The following CDH20 variants were observed in gnomAD, a reference collection of about 807,000 sequenced individuals.
CDH20 encodes cadherin-20.
CDH20 carries 29 observed loss-of-function variants against 74.2 expected under a neutral mutation model. That is an observed-to-expected ratio of 0.39 (90% confidence interval 0.29 to 0.53). The LOEUF is 0.53. Ranked by LOEUF, CDH20 falls within the 20% of genes least tolerant of loss-of-function variation. CDH20 has a pLI of 0.69. For synonymous variants in CDH20, 469 were observed against 405.4 expected, an observed-to-expected ratio of 1.16 and a Z score of -1.88; for missense variants, 988 against 1,048.3, an observed-to-expected ratio of 0.94 and a Z score of 0.79.
At position 61,499,254 on chromosome 18, in the gene CDH20, C is replaced by T. The variant is rs1382656822; in HGVS notation, c.315C>T (p.Ile105=). 12 of 1,613,270 alleles carry T rather than the reference C, an allele frequency of 7.4e-6. No homozygotes were observed. The highest frequency in any genetic ancestry group is 5.3e-5 in the African/African-American group (4 of 74,856). ...KYILSGEGAG[I]VFTIDDTTGD... Reference sequence around the variant, plus strand: ...TCCTCTCGGGAGAAGGTGCTGGCATCGTGTTTACCATCGACGACACCACTG... The same window carrying T: ...TCCTCTCGGGAGAAGGTGCTGGCATTGTGTTTACCATCGACGACACCACTG... Residue 105 remains isoleucine (I), a synonymous_variant, in exon 3 of 12, where the codon ATC becomes ATT. Transcript: ENST00000262717.
chr18:61,489,395 G>T (rs922401063), intron 1 of CDH20, among the ~76,000 whole-genome samples: 1 of 151,910 alleles, frequency 6.6e-6, no homozygotes, highest in Admixed American at 6.6e-5. Flanking sequence ...GCAGTTCTTC[G>T]AATTAACAGT....
chr18:61,429,257 T>A (rs1202646318), intron 1 of CDH20, among the ~76,000 whole-genome samples: 1 of 152,184 alleles, frequency 6.6e-6, no homozygotes, highest in Non-Finnish European at 1.5e-5. Context: ...TAGACTTTTG[T>A]TTCTTAATTG....
intron 1 of CDH20, among the ~76,000 whole-genome samples, chr18:61,473,657 T>C (rs1910266536): frequency 6.6e-6 from 1 of 152,202 alleles, no homozygotes; most frequent in South Asian, 2.1e-4. Flanking sequence ...CATTTGAACA[T>C]CTTTGTGGCT....
At chr18:61,357,740 GT>G (rs540596503) in intron 1 of CDH20, among the ~76,000 whole-genome samples, 2,267 of 151,408 alleles carry the variant, frequency 0.015, 61 homozygotes, top group African/African-American at 0.051. Flanking sequence ...TCAACTGTTT[GT>G]TTTTTTTTAA....
rs1316431905 is a variant in CDH20, at chr18:61,507,549, A to G, written c.1006A>G (p.Thr336Ala). ...TDPNFQVGII[T>A]VKKPLSFESK... ...TCCCAATTTCCAAGTTGGTATCATAACTGTGAAGAAGGTAATCCAACTCCT... is the reference window on the plus strand; with the variant it reads ...TCCCAATTTCCAAGTTGGTATCATAGCTGTGAAGAAGGTAATCCAACTCCT... Residue 336 changes from threonine (T) to alanine (A), a missense_variant, in exon 6 of 12, where the codon ACT (threonine) becomes GCT (alanine). Thr to Ala is a moderately conservative substitution (Grantham distance 58). Transcript: ENST00000262717. 6 of 1,606,748 alleles carry G rather than the reference A, an allele frequency of 3.7e-6. No homozygotes were observed. The highest frequency in any genetic ancestry group is 5.1e-6 in the Non-Finnish European group (6 of 1,176,648).
At chr18:61,440,864 C>G (rs531309644) in intron 1 of CDH20, among the ~76,000 whole-genome samples, 1 of 152,128 alleles carries the variant, frequency 6.6e-6, no homozygotes, top group Non-Finnish European at 1.5e-5. Context: ...AATCAGGTCA[C>G]AAGGCCAACC....
intron 1 of CDH20, among the ~76,000 whole-genome samples, chr18:61,455,636 G>T (rs183178361): frequency 6.6e-6 from 1 of 151,162 alleles, no homozygotes; most frequent in Admixed American, 6.6e-5. Flanking sequence ...CTATGTTTTG[G>T]GTTTCTTCAA....
chr18:61,420,125 A>G (rs1035533174), intron 1 of CDH20, among the ~76,000 whole-genome samples: 3 of 152,220 alleles, frequency 2.0e-5, no homozygotes, highest in Non-Finnish European at 2.9e-5. Context: ...TCTTGTTTAC[A>G]TTAACTACTG....
intron 1 of CDH20, among the ~76,000 whole-genome samples, chr18:61,433,974 C>A (rs992810617): frequency 1.3e-5 from 2 of 152,034 alleles, no homozygotes; most frequent in African/African-American, 4.8e-5. Context: ...GGGTGTTTGA[C>A]CAGATTTTCC....
intron 1 of CDH20, among the ~76,000 whole-genome samples, chr18:61,476,164 G>A (rs1003559980): frequency 3.3e-5 from 5 of 152,128 alleles, no homozygotes; most frequent in African/African-American, 1.2e-4. Context: ...TCATAACCAA[G>A]AGAATGCCGC....
chr18:61,493,824 C>G (rs184517057), intron 2 of CDH20, among the ~76,000 whole-genome samples: 10 of 152,290 alleles, frequency 6.6e-5, no homozygotes, highest in Admixed American at 6.5e-4. Context: ...TGTTTGTATT[C>G]AGCAATTTTC....
intron 6 of CDH20, among the ~76,000 whole-genome samples, chr18:61,510,086 C>T (rs190169239): frequency 2.0e-5 from 3 of 152,086 alleles, no homozygotes; most frequent in Non-Finnish European, 2.9e-5. Context: ...GTTATAAGAG[C>T]GAGGAGTTTG....
chr18:61,515,102 G>T (rs1198880887), intron 6 of CDH20, among the ~76,000 whole-genome samples: 2 of 152,200 alleles, frequency 1.3e-5, no homozygotes, highest in South Asian at 2.1e-4. Context: ...CCCCAGACTC[G>T]CTGCCACCTT....
chr18:61,344,180 A>T (rs1467119432), intron 1 of CDH20, among the ~76,000 whole-genome samples: 1 of 152,226 alleles, frequency 6.6e-6, no homozygotes, highest in Non-Finnish European at 1.5e-5. Context: ...GAGAGAATAC[A>T]CAGGAAAGAG....
At chr18:61,344,144 G>T (rs982882647) in intron 1 of CDH20, among the ~76,000 whole-genome samples, 4 of 152,084 alleles carry the variant, frequency 2.6e-5, no homozygotes, top group East Asian at 3.9e-4. Flanking sequence ...TCTCTAACCC[G>T]CAAAGTCACT....
At chr18:61,466,664 AC>A (rs1265138945) in intron 1 of CDH20, among the ~76,000 whole-genome samples, 1 of 152,226 alleles carries the variant, frequency 6.6e-6, no homozygotes, top group African/African-American at 2.4e-5. Flanking sequence ...CTAGGGACTA[AC>A]CTAGTAAAGT....
chr18:61,484,511 T>C (rs544028968), intron 1 of CDH20, among the ~76,000 whole-genome samples: 179 of 152,224 alleles, frequency 1.2e-3, no homozygotes, highest in Non-Finnish European at 1.6e-3. Context: ...AAATTGATTA[T>C]AGCAAGAATG....
intron 2 of CDH20, 100 bp downstream of exon 2, chr18:61,490,899 A>T: frequency 7.7e-7 from 1 of 1,300,326 alleles, no homozygotes; most frequent in South Asian, 1.3e-5. Flanking sequence ...GACCTGAGAA[A>T]AACTAGAACA....
At chr18:61,360,854 C>T (rs776800277) in intron 1 of CDH20, among the ~76,000 whole-genome samples, 31 of 152,296 alleles carry the variant, frequency 2.0e-4, no homozygotes, top group South Asian at 8.3e-4. Flanking sequence ...CCATCAAAAC[C>T]GTAAATGTCT....
Sources: allele counts gnomAD v4.1 joint callset (sites outside exome capture counted in the v4.1 genomes callset), GRCh38; gene constraint gnomAD v4.1.1; transcripts MANE v1.5; gene names NCBI Gene and HGNC (gene_info 2026-07-23, HGNC 2026-07-21).